RPS6KA5: variants seen among roughly 807,000 people sequenced by gnomAD.
RPS6KA5 encodes ribosomal protein S6 kinase alpha-5.
A neutral mutation model predicts 85.5 loss-of-function variants in RPS6KA5; 27 were observed. The ratio of observed to expected loss-of-function variants is 0.32; its 90% CI spans 0.23 to 0.44. The LOEUF (loss-of-function observed/expected upper bound fraction) is 0.44, where lower values mean the gene tolerates loss of function less well. RPS6KA5 is among the 20% of genes least tolerant of loss of function. The pLI is 1.00. For missense variants in RPS6KA5, 811 were observed against 980.9 expected (o/e 0.83, Z 2.31); for synonymous variants, 334 against 348.2 (o/e 0.96, Z 0.46).
intron 3 of RPS6KA5, among the ~76,000 whole-genome samples, chr14:90,973,809 T>G (rs1365988373): frequency 6.6e-6 from 1 of 151,878 alleles, no homozygotes; most frequent in Non-Finnish European, 1.5e-5. Context: ...GGCCAAGGCG[T>G]GCGGATCACC....
At position 90,994,561 on chromosome 14, in the gene RPS6KA5, A is replaced by ATTT. The variant is rs935828871; in HGVS notation, c.175+6524_175+6526dup. 1.5e-3 allele frequency among the ~76,000 whole-genome samples: 90 copies of ATTT among 61,942 alleles called. 15 individuals are homozygous for ATTT. The highest frequency in any genetic ancestry group is 3.4e-3 in the African/African-American group (54 of 15,914). 40.6% of individuals were successfully genotyped at this position (61,942 alleles called of 152,430 possible). ...GTGCTTTGCTTCTTGGATGTTTGTG[A>ATTT]TTTTTTTTTTTTTTTTTTTTTTTTT... On this transcript the variant is annotated intron_variant, in intron 2 of 16. Coordinates refer to ENST00000614987, the MANE Select transcript of RPS6KA5 (RefSeq NM_004755.4).
chr14:90,949,055 T>A (rs1426780538), intron 3 of RPS6KA5, among the ~76,000 whole-genome samples: 1 of 152,358 alleles, frequency 6.6e-6, no homozygotes, highest in African/African-American at 2.4e-5. Flanking sequence ...TTCTCAGGCT[T>A]CTGTATTTTG....
At chr14:91,016,504 C>T (rs2041503862) in intron 1 of RPS6KA5, among the ~76,000 whole-genome samples, 1 of 152,138 alleles carries the variant, frequency 6.6e-6, no homozygotes, top group African/African-American at 2.4e-5. Context: ...TATTAATACA[C>T]TCATACATAC....
In RPS6KA5 at chr14:90,868,185, G is replaced by A. The variant is rs1376440914; in HGVS notation, c.*3889C>T. ...GTTGGCTGTAGCAGTTATTTTCTTT[G>A]GGTAGATTATACTTAAAATATTTCC... On this transcript the variant is annotated 3_prime_UTR_variant, in exon 17 of 17. Transcript: ENST00000614987. The A allele has an allele frequency of 1.3e-5, 2 of 152,064 alleles. No individual in the cohort carries two copies. The highest frequency in any genetic ancestry group is 2.9e-5 in the Non-Finnish European group (2 of 67,990). The allele number at this position is 152,064 out of a possible 1,614,324, so 9.4% of individuals were successfully genotyped here.
chr14:90,874,796 C>T (rs1430885914), intron 15 of RPS6KA5, among the ~76,000 whole-genome samples: 2 of 152,156 alleles, frequency 1.3e-5, no homozygotes, highest in Non-Finnish European at 2.9e-5. Context: ...ATGTGTAGAA[C>T]TCTGTGACTG....
intron 1 of RPS6KA5, among the ~76,000 whole-genome samples, chr14:91,026,878 G>C (rs2042008824): frequency 1.3e-5 from 2 of 152,202 alleles, no homozygotes; most frequent in African/African-American, 4.8e-5. Context: ...GATGATTAGC[G>C]ATGTTGAGCA....
Position 90,854,416 on chromosome 14 carries a change from T to C in RPS6KA5, c.*17658A>G, listed in dbSNP as rs1405418623. ...GATTATGTATTATATAGTCACAAAT[T>C]TTTATTTTAGATTTCACAATGTACA... On this transcript the variant is annotated 3_prime_UTR_variant, in exon 17 of 17. Coordinates refer to ENST00000614987, the MANE Select transcript of RPS6KA5 (RefSeq NM_004755.4). The C allele has an allele frequency of 6.6e-6, 1 of 152,144 alleles. No individual in the cohort carries two copies. The highest frequency in any genetic ancestry group is 1.5e-5 in the Non-Finnish European group (1 of 68,000). The allele number at this position is 152,144 out of a possible 1,614,324, so 9.4% of individuals were successfully genotyped here. A position where few individuals can be genotyped will look rare whatever the true frequency, so the allele number is the denominator to read the frequency against.
rs2032419937 is a variant in RPS6KA5 at position 90,859,152 on chromosome 14, G to C, written c.*12922C>G. ...AGCCCAAAGAGGCCATATGCTAGGA[G>C]TAAGAGCAAAACTGAAATGTACAAG... On this transcript the variant is annotated 3_prime_UTR_variant, in exon 17 of 17. Transcript: ENST00000614987. The C allele has an allele frequency of 1.3e-5, 2 of 152,212 alleles. No homozygotes were observed. Among genetic ancestry groups the C allele is most frequent in the Admixed American group, 1.3e-4 (2 of 15,276 alleles). The allele number at this position is 152,212 out of a possible 1,614,324, so 9.4% of individuals were successfully genotyped here.
intron 6 of RPS6KA5, among the ~76,000 whole-genome samples, chr14:90,920,516 T>C (rs2036351123): frequency 6.6e-6 from 1 of 152,114 alleles, no homozygotes; most frequent in Admixed American, 6.5e-5. Context: ...AGAAAGCATG[T>C]TATTTCTTAA....
At position 90,927,519 on chromosome 14, in the gene RPS6KA5, T is replaced by C. The variant is rs538653406; in HGVS notation, c.619-4323A>G. Among the ~76,000 whole-genome samples the C allele has an allele frequency of 2.6e-5, 4 of 152,170 alleles. No homozygotes were observed. The East Asian group carries it at 7.7e-4, about 29-fold the overall frequency. The stretch of plus-strand genomic sequence containing the variant: ...AAGTAAAGAGATGAAAAAAGTTGTA[T>C]CAGACAGCACTAACCAACAGAAAGC... On this transcript the variant is annotated intron_variant, in intron 5 of 16. Coordinates refer to ENST00000614987, the MANE Select transcript of RPS6KA5 (RefSeq NM_004755.4).
chr14:90,929,304 G>A (rs1173511510), intron 5 of RPS6KA5, among the ~76,000 whole-genome samples: 1 of 151,936 alleles, frequency 6.6e-6, no homozygotes, highest in Non-Finnish European at 1.5e-5. Flanking sequence ...AAAGGTATGA[G>A]AAATGAAAAG....
intron 14 of RPS6KA5, among the ~76,000 whole-genome samples, chr14:90,875,866 C>T (rs916491521): frequency 7.7e-6 from 1 of 130,344 alleles, no homozygotes; most frequent in African/African-American, 3.0e-5. Context: ...AACACATGGA[C>T]ACAGGAAGGG....
At position 90,978,538 on chromosome 14, in the gene RPS6KA5, G is replaced by A. The variant is rs1161583305; in HGVS notation, c.176-14C>T. On this transcript the variant is annotated splice_polypyrimidine_tract_variant and intron_variant, in intron 2 of 16. Coordinates refer to ENST00000614987, the MANE Select transcript of RPS6KA5 (RefSeq NM_004755.4). The stretch of plus-strand genomic sequence containing the variant: ...CTTTTCCATAAGCTGAAAATGAAAA[G>A]AAAAAATAAAAAGAATTAAAATGCT... 7 of 1,540,894 alleles carry A rather than the reference G, an allele frequency of 4.5e-6. No individual in the cohort carries two copies. The Admixed American group carries it at 6.2e-5, about 14-fold the overall frequency.
Position 90,983,813 on chromosome 14 carries a change from CTCTG to C in RPS6KA5, c.176-5293_176-5290del, listed in dbSNP as rs1442023649. On this transcript the variant is annotated intron_variant, in intron 2 of 16. Transcript: ENST00000614987. Reference sequence around the variant, plus strand: ...TCTCTCTCTCTCTCTCTCTCTCTCTCTCTGTCTCTCTCTCTCTCTCTCTCTCTTT... The same window carrying C: ...TCTCTCTCTCTCTCTCTCTCTCTCTCTCTCTCTCTCTCTCTCTCTCTCTTT... 3.0e-3 allele frequency among the ~76,000 whole-genome samples: 253 copies of C among 85,332 alleles called. 1 individual carries two copies. Among genetic ancestry groups the C allele is most frequent in the East Asian group, 0.011 (21 of 1,948 alleles). 56.0% of individuals were successfully genotyped at this position (85,332 alleles called of 152,430 possible).
chr14:90,935,888 C>G (rs2037227963), intron 5 of RPS6KA5, among the ~76,000 whole-genome samples: 1 of 152,140 alleles, frequency 6.6e-6, no homozygotes, highest in African/African-American at 2.4e-5. Context: ...AACACGTGTC[C>G]TTTTTGACAT....
At chr14:90,878,638 T>A (rs1194060714) in intron 14 of RPS6KA5, among the ~76,000 whole-genome samples, 1 of 152,166 alleles carries the variant, frequency 6.6e-6, no homozygotes, top group Non-Finnish European at 1.5e-5. Context: ...AGTGGAATGA[T>A]GTAATTCTCA....
Position 91,000,632 on chromosome 14 carries a change from G to A in RPS6KA5, c.175+456C>T, listed in dbSNP as rs552163676. On this transcript the variant is annotated intron_variant, in intron 2 of 16. Transcript: ENST00000614987. ...GCCTCGAACAACATGGTGAAACCCCGTCTCTACTAAAAATACAAAATTAGC... is the reference window on the plus strand; with the variant it reads ...GCCTCGAACAACATGGTGAAACCCCATCTCTACTAAAAATACAAAATTAGC... Among the ~76,000 whole-genome samples, 8 of 152,072 alleles carry A rather than the reference G, an allele frequency of 5.3e-5. No individual in the cohort carries two copies. In the South Asian group the frequency reaches 6.2e-4, roughly 12 times the overall value.
chr14:91,058,332 A>G (rs727257), intron 1 of RPS6KA5, among the ~76,000 whole-genome samples: 30,127 of 152,228 alleles, frequency 0.2, 3,358 homozygotes, highest in Admixed American at 0.25. Flanking sequence ...CTGATGATTC[A>G]CACAGTTAGA....
intron 1 of RPS6KA5, among the ~76,000 whole-genome samples, chr14:91,027,768 T>C (rs1299949373): frequency 6.6e-6 from 1 of 152,126 alleles, no homozygotes; most frequent in Non-Finnish European, 1.5e-5. Context: ...GTAGTGGAAA[T>C]AAAGCTTTTA....
Sources: gnomAD v4.1 joint callset for allele counts (sites outside exome capture counted in the v4.1 genomes callset) on GRCh38, gnomAD v4.1.1 for gene constraint, MANE v1.5 for transcripts, NCBI Gene and HGNC (gene_info 2026-07-23, HGNC 2026-07-21) for gene names.